DPYD: variants seen among roughly 807,000 people sequenced by gnomAD.
The protein encoded by DPYD is dihydropyrimidine dehydrogenase [NADP(+)].
A neutral mutation model predicts 116.2 loss-of-function variants in DPYD; 109 were observed. The ratio of observed to expected loss-of-function variants is 0.94; its 90% confidence interval spans 0.80 to 1.10. The LOEUF is 1.10. Ranked by LOEUF, DPYD falls within the 50% of genes least tolerant of loss-of-function variation. The pLI is 0.00. For missense variants in DPYD, 1,302 were observed against 1,254.5 expected (o/e 1.04, Z -0.57); for synonymous variants, 440 against 432.0 (o/e 1.02, Z -0.23).
At position 97,323,507 on chromosome 1, in the gene DPYD, CATAT is replaced by C. The variant is rs1668491736; in HGVS notation, c.2059-17214_2059-17211del. ...CACGTATATATACATATCATATGTA[CATAT>C]GTGTATATATACACATATATATACA... On this transcript the variant is annotated intron_variant, in intron 16 of 22. Coordinates refer to ENST00000370192, the MANE Select transcript of DPYD (RefSeq NM_000110.4). 8.1e-5 allele frequency among the ~76,000 whole-genome samples: 4 copies of C among 49,366 alleles called. No individual in the cohort carries two copies. In the South Asian group the frequency reaches 2.5e-3, roughly 31 times the overall value. 32.4% of individuals were successfully genotyped at this position (49,366 alleles called of 152,430 possible).
intron 13 of DPYD, among the ~76,000 whole-genome samples, chr1:97,477,745 C>T (rs1373737090): frequency 6.6e-6 from 1 of 151,484 alleles, no homozygotes; most frequent in African/African-American, 2.4e-5. Flanking sequence ...CTCAGCCTCC[C>T]GAGTAGCTGG....
intron 18 of DPYD, among the ~76,000 whole-genome samples, chr1:97,240,444 TC>T (rs1662256274): frequency 6.6e-6 from 1 of 151,926 alleles, no homozygotes; most frequent in Non-Finnish European, 1.5e-5. Flanking sequence ...TTTGTCTTTC[TC>T]CCCCTAATCA....
At chr1:97,414,116 C>A (rs1259520195) in intron 14 of DPYD, among the ~76,000 whole-genome samples, 2 of 151,888 alleles carry the variant, frequency 1.3e-5, no homozygotes, top group African/African-American at 4.8e-5. Context: ...AACAAAAAAA[C>A]TAAAAGAACA....
intron 1 of DPYD, among the ~76,000 whole-genome samples, chr1:97,918,264 T>C (rs1674327596): frequency 6.6e-6 from 1 of 152,242 alleles, no homozygotes; most frequent in Admixed American, 6.5e-5. Flanking sequence ...CATTTGTTTA[T>C]TATCCTTAGC....
chr1:97,901,003 GA>G (rs932432565), intron 1 of DPYD, among the ~76,000 whole-genome samples: 3 of 151,466 alleles, frequency 2.0e-5, no homozygotes, highest in African/African-American at 7.3e-5. Context: ...TCTTTTATTC[GA>G]AAAAAATTAT....
At chr1:97,421,671 A>G (rs1199244464) in intron 14 of DPYD, among the ~76,000 whole-genome samples, 1 of 152,162 alleles carries the variant, frequency 6.6e-6, no homozygotes, top group African/African-American at 2.4e-5. Flanking sequence ...CTGTGGCCCA[A>G]GGTGAGACAC....
chr1:97,564,353 T>C (rs1360728665), intron 11 of DPYD, among the ~76,000 whole-genome samples: 1 of 152,176 alleles, frequency 6.6e-6, no homozygotes, highest in Non-Finnish European at 1.5e-5. Context: ...ATGACAGGCT[T>C]CTGGATTTCC....
intron 18 of DPYD, among the ~76,000 whole-genome samples, chr1:97,251,421 A>C (rs376943111): frequency 1.5e-3 from 232 of 151,692 alleles, no homozygotes; most frequent in African/African-American, 5.5e-3. Flanking sequence ...AAAGAAAGAA[A>C]AAAAGAAAAA....
chr1:97,707,411 T>G (rs1336402416), intron 5 of DPYD, among the ~76,000 whole-genome samples: 1 of 151,258 alleles, frequency 6.6e-6, no homozygotes, highest in Non-Finnish European at 1.5e-5. Context: ...TCATCTAGCA[T>G]TAGGTATATC....
chr1:97,830,284 T>A (rs1669472461), intron 2 of DPYD, among the ~76,000 whole-genome samples: 1 of 152,074 alleles, frequency 6.6e-6, no homozygotes, highest in African/African-American at 2.4e-5. Context: ...ATAAAAGAAT[T>A]AAAGAAATAA....
chr1:97,822,543 A>G (rs1423956567), intron 3 of DPYD, among the ~76,000 whole-genome samples: 1 of 151,824 alleles, frequency 6.6e-6, no homozygotes, highest in Non-Finnish European at 1.5e-5. Flanking sequence ...CATTCATATT[A>G]TGCATAATTT....
intron 5 of DPYD, among the ~76,000 whole-genome samples, chr1:97,710,056 G>C (rs545956338): frequency 6.6e-6 from 1 of 151,824 alleles, no homozygotes; most frequent in African/African-American, 2.4e-5. Context: ...TGTTTACCTT[G>C]ATTTCATTAT....
intron 18 of DPYD, among the ~76,000 whole-genome samples, chr1:97,258,569 C>T (rs1293418375): frequency 6.6e-6 from 1 of 152,128 alleles, no homozygotes; most frequent in African/African-American, 2.4e-5. Context: ...AAGATCAACT[C>T]CCAAATAGGC....
chr1:97,085,758 A>G (rs1177292303), intron 21 of DPYD, among the ~76,000 whole-genome samples: 1 of 152,182 alleles, frequency 6.6e-6, no homozygotes, highest in Non-Finnish European at 1.5e-5. Context: ...CCCCTCTTGT[A>G]CACACATCTG....
intron 14 of DPYD, among the ~76,000 whole-genome samples, chr1:97,417,285 T>C (rs1674336434): frequency 6.6e-6 from 1 of 150,492 alleles, no homozygotes; most frequent in South Asian, 2.1e-4. Flanking sequence ...GCATTTCTAT[T>C]TGTTTATTTG....
intron 20 of DPYD, among the ~76,000 whole-genome samples, chr1:97,170,217 T>C (rs767021914): frequency 3.9e-5 from 6 of 152,202 alleles, no homozygotes; most frequent in Non-Finnish European, 7.3e-5. Context: ...ACTGTATGAA[T>C]GGAAACTTCA....
intron 20 of DPYD, among the ~76,000 whole-genome samples, chr1:97,139,287 T>C (rs1022009916): frequency 3.2e-4 from 48 of 152,240 alleles, no homozygotes; most frequent in African/African-American, 1.1e-3. Flanking sequence ...CTAATTATAA[T>C]TGGATCACGC....
intron 19 of DPYD, among the ~76,000 whole-genome samples, chr1:97,216,996 T>C (rs1258252857): frequency 1.3e-5 from 2 of 151,960 alleles, no homozygotes; most frequent in African/African-American, 4.8e-5. Context: ...TCACCTGAGG[T>C]CAGGAGTTCG....
intron 21 of DPYD, among the ~76,000 whole-genome samples, chr1:97,089,385 G>A (rs1023410799): frequency 1.3e-5 from 2 of 152,278 alleles, no homozygotes; most frequent in South Asian, 4.1e-4. Flanking sequence ...TGTGCACACT[G>A]TCACTTCAGT....
Sources: gnomAD v4.1 joint callset for allele counts (sites outside exome capture counted in the v4.1 genomes callset) on GRCh38, gnomAD v4.1.1 for gene constraint, MANE v1.5 for transcripts, NCBI Gene and HGNC (gene_info 2026-07-23, HGNC 2026-07-21) for gene names.